PAICS: variants seen among roughly 807,000 people sequenced by gnomAD.
PAICS encodes the protein phosphoribosylaminoimidazole carboxylase and phosphoribosylaminoimidazolesuccinocarboxamide synthase, also known as bifunctional phosphoribosylaminoimidazole carboxylase/phosphoribosylaminoimidazole succinocarboxamide synthetase.
In PAICS, 33 loss-of-function variants were observed where a neutral mutation model predicts 53.7. The observed-to-expected ratio is 0.61, with a 90% confidence interval of 0.47 to 0.82. PAICS has a LOEUF of 0.82. Ranked by LOEUF, PAICS falls within the 40% of genes least tolerant of loss-of-function variation. The pLI is 0.00. For missense variants in PAICS, 394 were observed against 494.1 expected, an observed-to-expected ratio of 0.80 and a Z score of 1.92; for synonymous variants, 141 against 167.2, an observed-to-expected ratio of 0.84 and a Z score of 1.21.
Position 56,448,482 on chromosome 4 carries a change from C to T in PAICS, c.458C>T (p.Ala153Val), listed in dbSNP as rs771128512. ...EQLIAAKFCFAGLLIGQTEVD... is the reference protein window; with the variant it reads ...EQLIAAKFCFVGLLIGQTEVD... ...CTGATTGCTGCAAAATTTTGCTTTG[C>T]TGGACTTCTTATAGGCCAGACTGAA... The change falls in exon 4 of 9, where the codon GCT becomes GTT. Residue 153 changes from alanine to valine, a missense_variant. Ala to Val is a moderately conservative substitution (Grantham distance 64, BLOSUM62 0). Coordinates refer to ENST00000512576, the MANE Select transcript of PAICS (RefSeq NM_001079524.2). 19 of 1,612,402 alleles carry T rather than the reference C, an allele frequency of 1.2e-5. No individual in the cohort carries two copies. In the Admixed American group the frequency reaches 2.8e-4, roughly 24 times the overall value.
upstream of PAICS, among the ~76,000 whole-genome samples, chr4:56,430,910 T>C (rs1021301804): frequency 6.6e-6 from 1 of 152,012 alleles, no homozygotes; most frequent in African/African-American, 2.4e-5. Flanking sequence ...CTTCCCAATA[T>C]TGACCAGAAT....
rs777990562 is a variant in PAICS, at chr4:56,436,377, C to T, written c.16+49C>T. ...TTCACGGTCTCCCTGACCCCCAGGC[C>T]GTGAGCTCGCGGCCACGTGCGAGCC... is the stretch of plus-strand genomic sequence containing the variant. On this transcript the variant is annotated intron_variant, in intron 1 of 8. Transcript: ENST00000512576. The T allele has an allele frequency of 7.9e-6, 11 of 1,391,842 alleles. No homozygotes were observed. The South Asian group carries it at 1.3e-4, about 17-fold the overall frequency. The allele number at this position is 1,391,842 out of a possible 1,614,324, so 86.2% of individuals were successfully genotyped here.
At chr4:56,452,737 C>T (rs1469413153) in intron 7 of PAICS, among the ~76,000 whole-genome samples, 1 of 152,152 alleles carries the variant, frequency 6.6e-6, no homozygotes, top group East Asian at 1.9e-4. Context: ...AGTTGCCACC[C>T]TTTCCTGGGA....
At chr4:56,415,136 T>C in the PAICS span, among the ~76,000 whole-genome samples, 3 of 152,212 alleles carry the variant, frequency 2.0e-5, no homozygotes, top group South Asian at 2.1e-4. Flanking sequence ...AAAATGAATA[T>C]TTATGCCATT....
rs1037507019 is a variant in PAICS, at chr4:56,462,525, G to A, written c.*2987G>A. On this transcript the variant is annotated 3_prime_UTR_variant, in exon 9 of 9. Coordinates refer to ENST00000512576, the MANE Select transcript of PAICS (RefSeq NM_001079524.2). ...AGGGATGATGTATGATCTTCAACAT[G>A]TCTAATTTTTTTGTGCCTCAATTTC... is the stretch of plus-strand genomic sequence containing the variant. 1.3e-5 allele frequency: 2 copies of A among 152,172 alleles called. No individual in the cohort carries two copies. The highest frequency in any genetic ancestry group is 1.3e-4 in the Admixed American group (2 of 15,268). The allele number at this position is 152,172 out of a possible 1,614,324, so 9.4% of individuals were successfully genotyped here. A position where few individuals can be genotyped will look rare whatever the true frequency, so the allele number is the denominator to read the frequency against.
At chr4:56,456,459 G>T (rs1324871877) in intron 8 of PAICS, among the ~76,000 whole-genome samples, 3 of 152,138 alleles carry the variant, frequency 2.0e-5, no homozygotes, top group African/African-American at 4.8e-5. Flanking sequence ...CCAGGTGGGA[G>T]CACAGTGGCA....
the PAICS span, chr4:56,420,959 AG>A: frequency 3.0e-5 from 3 of 99,880 alleles, no homozygotes; most frequent in Non-Finnish European, 6.2e-5. Context: ...TCTCTAGACC[AG>A]GGGTCCCCAA....
At chr4:56,435,910 C>T, upstream of PAICS, 1 of 1,490,006 alleles carries the variant, frequency 6.7e-7, no homozygotes, top group South Asian at 1.1e-5. Flanking sequence ...GCATGCTTCC[C>T]CCAGGCCGTC....
upstream of PAICS, among the ~76,000 whole-genome samples, chr4:56,434,514 A>G (rs1717790855): frequency 2.0e-5 from 3 of 152,206 alleles, no homozygotes; most frequent in African/African-American, 7.2e-5. Flanking sequence ...AAGAAAAGGA[A>G]AGATCACCGA....
At chr4:56,453,416 G>A (rs1164814578) in intron 7 of PAICS, among the ~76,000 whole-genome samples, 187 bp from the exon 8 acceptor site, 2 of 151,860 alleles carry the variant, frequency 1.3e-5, no homozygotes, top group Non-Finnish European at 2.9e-5. Flanking sequence ...CTTATAGTAA[G>A]TGGCAGAGTA....
chr4:56,458,700 C>A (rs543562214), intron 8 of PAICS, among the ~76,000 whole-genome samples: 7 of 152,236 alleles, frequency 4.6e-5, no homozygotes, highest in African/African-American at 1.4e-4. Context: ...TCGGGAAAAT[C>A]GAGCTTTTGG....
chr4:56,421,583 G>A, the PAICS span: 1 of 152,190 alleles, frequency 6.6e-6, no homozygotes, highest in Non-Finnish European at 1.5e-5. Flanking sequence ...TTTATTATCT[G>A]GCTTAAATGA....
At position 56,441,648 on chromosome 4, in the gene PAICS, A is replaced by G; in HGVS notation, c.17-15A>G. 1 of 1,398,534 alleles carries G rather than the reference A, an allele frequency of 7.2e-7. No individual in the cohort carries two copies. Among genetic ancestry groups the G allele is most frequent in the Non-Finnish European group, 9.6e-7 (1 of 1,042,926 alleles). 86.6% of individuals were successfully genotyped at this position (1,398,534 alleles called of 1,614,324 possible). A position where few individuals can be genotyped will look rare whatever the true frequency, so the allele number is the denominator to read the frequency against. On this transcript the variant is annotated splice_polypyrimidine_tract_variant and intron_variant, in intron 1 of 8. Transcript: ENST00000512576. ...AGTTTCTGAATTTTGGTCTATTTCC[A>G]TTTTATTTCCACAGTACTGAACATT...
the PAICS span, chr4:56,410,547 A>C: frequency 1.0e-6 from 1 of 986,310 alleles, no homozygotes; most frequent in Non-Finnish European, 1.2e-6. Flanking sequence ...CACTGGACTG[A>C]GGAGGAGGTT....
chr4:56,439,071 T>C (rs1300802533), intron 1 of PAICS, among the ~76,000 whole-genome samples: 1 of 152,208 alleles, frequency 6.6e-6, no homozygotes, highest in Non-Finnish European at 1.5e-5. Flanking sequence ...TTGTTTCTTA[T>C]GTTGTTTCTA....
the PAICS span, chr4:56,423,142 T>C: frequency 6.6e-6 from 1 of 152,204 alleles, no homozygotes; most frequent in African/African-American, 2.4e-5. Context: ...AAAAAGACCT[T>C]GTACCTAGTC....
the PAICS span, among the ~76,000 whole-genome samples, chr4:56,429,804 T>C: frequency 6.6e-6 from 1 of 152,222 alleles, no homozygotes; most frequent in Non-Finnish European, 1.5e-5. Context: ...TCCGCCCCCA[T>C]AAACATTATC....
chr4:56,423,680 GT>G, the PAICS span, among the ~76,000 whole-genome samples: 1 of 151,266 alleles, frequency 6.6e-6, no homozygotes, highest in Non-Finnish European at 1.5e-5. Context: ...TGTTTGGCAT[GT>G]TTGCATGCCA....
At chr4:56,415,577 T>G in the PAICS span, among the ~76,000 whole-genome samples, 1 of 152,184 alleles carries the variant, frequency 6.6e-6, no homozygotes, top group Non-Finnish European at 1.5e-5. Context: ...ATAATTTAAC[T>G]TCTGGAAACT....
Sources: allele counts gnomAD v4.1 joint callset (sites outside exome capture counted in the v4.1 genomes callset), GRCh38; gene constraint gnomAD v4.1.1; transcripts MANE v1.5; gene names NCBI Gene and HGNC (gene_info 2026-07-23, HGNC 2026-07-21).